Variants in ANK3 observed in about 807,000 individuals in gnomAD.
The protein encoded by ANK3 is ankyrin-3.
A neutral mutation model predicts 370.9 loss-of-function variants in ANK3; 57 were observed. The ratio of observed to expected loss-of-function variants is 0.15; its 90% CI spans 0.12 to 0.19. The LOEUF is 0.19. ANK3 is among the 10% of genes least tolerant of loss of function. The pLI is 1.00. For missense variants in ANK3, 4,439 were observed against 5,302.1 expected, an observed-to-expected ratio of 0.84 and a Z score of 5.06; for synonymous variants, 1,929 against 1,946.3, an observed-to-expected ratio of 0.99 and a Z score of 0.23.
At chr10:60,507,075 T>C (rs1009292108) in intron 2 of ANK3, among the ~76,000 whole-genome samples, 6 of 152,088 alleles carry the variant, frequency 3.9e-5, no homozygotes, top group Non-Finnish European at 8.8e-5. Context: ...ATGATGGATA[T>C]GCTAATTACC....
intron 2 of ANK3, among the ~76,000 whole-genome samples, chr10:60,452,426 C>T (rs1340921930): frequency 3.9e-5 from 6 of 152,172 alleles, no homozygotes; most frequent in African/African-American, 9.6e-5. Flanking sequence ...CCTCAGCCTC[C>T]GCACTGAGAA....
rs766875443 is a variant in ANK3 at position 60,074,236 on chromosome 10, C to G, written c.6645G>C (p.Lys2215Asn). 6.2e-7 allele frequency: 1 copy of G among 1,614,062 alleles called. No homozygotes were observed. The highest frequency in any genetic ancestry group is 8.5e-7 in the Non-Finnish European group (1 of 1,179,992). ...PKPTTSSIKE[K>N]VKAFQMKASS... ...TGGCTTTCATTTGAAATGCTTTAAC[C>G]TTTTCTTTAATACTAGAGGTGGTGG... Residue 2215 changes from lysine (K) to asparagine (N), a missense_variant, in exon 37 of 44, where the codon AAG (lysine) becomes AAC (asparagine). This residue lies in a region of ANK3 where 1,601 missense variants were observed against 1,731.7 expected (regional missense o/e 0.92). Coordinates refer to ENST00000280772, the MANE Select transcript of ANK3 (RefSeq NM_020987.5).
At chr10:60,570,769 A>AC (rs2077575223) in intron 2 of ANK3, among the ~76,000 whole-genome samples, 1 of 152,088 alleles carries the variant, frequency 6.6e-6, no homozygotes, top group South Asian at 2.1e-4. Flanking sequence ...AAAGCAATTG[A>AC]CTTTATATTG....
chr10:60,619,352 T>A (rs902738933), intron 1 of ANK3, among the ~76,000 whole-genome samples: 5 of 152,080 alleles, frequency 3.3e-5, no homozygotes, highest in Admixed American at 2.0e-4. Context: ...TCTTCCCAGA[T>A]CTCATTCTGC....
At chr10:60,156,701 G>C (rs1312797726) in intron 23 of ANK3, among the ~76,000 whole-genome samples, 1 of 152,182 alleles carries the variant, frequency 6.6e-6, no homozygotes, top group Admixed American at 6.5e-5. Flanking sequence ...GAGTCTGTAA[G>C]AGTTGCAGCA....
In ANK3 at chr10:60,059,387, A is replaced by C. The variant is rs199547734; in HGVS notation, c.12639T>G (p.Ala4213=). The stretch of plus-strand genomic sequence containing the variant: ...ACCCACCAGTTACTCTTCGAGCTTG[A>C]GCGCAGGACTCTAGGTTTCCACTTG... ...ETSSGNLESC[A]QARRVTGGLL... is the part of the protein sequence containing the mutation. Residue 4213 remains alanine (A), a synonymous_variant, in exon 41 of 44, where the codon GCT becomes GCG. Coordinates refer to ENST00000280772, the MANE Select transcript of ANK3 (RefSeq NM_020987.5). The C allele has an allele frequency of 6.2e-7, 1 of 1,614,096 alleles. No homozygotes were observed. The highest frequency in any genetic ancestry group is 1.3e-5 in the African/African-American group (1 of 75,040).
At chr10:60,157,671 A>G (rs2095374163) in intron 23 of ANK3, among the ~76,000 whole-genome samples, 1 of 151,994 alleles carries the variant, frequency 6.6e-6, no homozygotes, top group Admixed American at 6.6e-5. Context: ...TTGACAAACT[A>G]AAAATGCATC....
intron 1 of ANK3, among the ~76,000 whole-genome samples, chr10:60,638,174 GAGGTAGAAGAAA>G (rs2133347472): frequency 6.6e-6 from 1 of 152,324 alleles, no homozygotes; most frequent in African/African-American, 2.4e-5. Context: ...GAAACTCCAT[GAGGTAGAAGAAA>G]GAACCAGTAG....
rs1245686078 is a variant in ANK3, at chr10:60,383,405, C to T, written c.114+6020G>A. On this transcript the variant is annotated intron_variant, in intron 1 of 43. Transcript: ENST00000280772. ...CATTTTGCAGGTGGAGAGCCTGAGG[C>T]ACAGAGAGACTAAATAACTTCCCCA... Among the ~76,000 whole-genome samples the T allele has an allele frequency of 2.0e-5, 3 of 152,136 alleles. No homozygotes were observed. The East Asian group carries it at 5.8e-4, about 29-fold the overall frequency.
chr10:60,085,505 G>A (rs746215079), intron 30 of ANK3, among the ~76,000 whole-genome samples: 2 of 151,734 alleles, frequency 1.3e-5, no homozygotes, highest in Non-Finnish European at 2.9e-5. Flanking sequence ...GGGTACTAAT[G>A]AATGGCTTAA....
intron 42 of ANK3, chr10:60,053,804 T>C (rs1428170994): frequency 3.4e-6 from 4 of 1,174,660 alleles, no homozygotes; most frequent in Non-Finnish European, 4.5e-6. Flanking sequence ...GCTATTATAC[T>C]ATGGTATAGC....
chr10:60,557,627 A>C (rs1205098138), intron 2 of ANK3, among the ~76,000 whole-genome samples: 1 of 152,142 alleles, frequency 6.6e-6, no homozygotes. Flanking sequence ...ATTGTAACCA[A>C]TGTATTTTGC....
At chr10:60,324,762 CACCA>C (rs2049429454) in intron 1 of ANK3, among the ~76,000 whole-genome samples, 1 of 152,180 alleles carries the variant, frequency 6.6e-6, no homozygotes, top group African/African-American at 2.4e-5. Flanking sequence ...CTCAGCGATT[CACCA>C]ACCAAGATTA....
At chr10:60,718,484 G>C (rs1276965740) in intron 1 of ANK3, among the ~76,000 whole-genome samples, 1 of 151,788 alleles carries the variant, frequency 6.6e-6, no homozygotes, top group Non-Finnish European at 1.5e-5. Flanking sequence ...AAATTAAAAA[G>C]GATGAGGACA....
chr10:60,211,917 A>G (rs1377340761), intron 9 of ANK3, among the ~76,000 whole-genome samples: 3 of 151,556 alleles, frequency 2.0e-5, no homozygotes, highest in South Asian at 2.1e-4. Context: ...AAAAAAAGGA[A>G]AAAAAGGAAA....
chr10:60,597,473 A>G (rs986029384), intron 2 of ANK3, among the ~76,000 whole-genome samples: 3 of 152,176 alleles, frequency 2.0e-5, no homozygotes, highest in African/African-American at 7.2e-5. Context: ...CTCTCTGTTC[A>G]GGGTACCTTT....
At chr10:60,339,640 T>C (rs1211688689) in intron 1 of ANK3, among the ~76,000 whole-genome samples, 2 of 152,212 alleles carry the variant, frequency 1.3e-5, no homozygotes, top group African/African-American at 4.8e-5. Context: ...CAAATGTATC[T>C]TACACTGTTT....
At position 60,059,865 on chromosome 10, in the gene ANK3, C is replaced by T. The variant is rs778947009; in HGVS notation, c.12596-435G>A. 23 of 1,614,094 alleles carry T rather than the reference C, an allele frequency of 1.4e-5. No homozygotes were observed. Among genetic ancestry groups the T allele is most frequent in the Middle Eastern group, 1.6e-4 (1 of 6,082 alleles). ...TATGTTCCCCTGGGAAGGCACTAGCCCATCACTCAGTCTACTAGGGGTTCT... is the reference window on the plus strand; with the variant it reads ...TATGTTCCCCTGGGAAGGCACTAGCTCATCACTCAGTCTACTAGGGGTTCT... On this transcript the variant is annotated intron_variant, in intron 40 of 43. Transcript: ENST00000280772.
intron 2 of ANK3, among the ~76,000 whole-genome samples, chr10:60,445,200 G>A (rs755591469): frequency 7.9e-5 from 12 of 152,074 alleles, no homozygotes; most frequent in Non-Finnish European, 1.3e-4. Context: ...ACCAGCCTGG[G>A]CAACATGACA....
Sources: allele counts gnomAD v4.1 joint callset (sites outside exome capture counted in the v4.1 genomes callset), GRCh38; gene constraint gnomAD v4.1.1; regional missense constraint gnomAD v4.1.1; transcripts MANE v1.5; gene names NCBI Gene and HGNC (gene_info 2026-07-23, HGNC 2026-07-21).